The following WDR17 variants were observed in gnomAD, a reference collection of about 807,000 sequenced individuals.
WDR17 encodes the protein WD repeat domain 17.
WDR17 carries 143 observed loss-of-function variants against 161.7 expected under a neutral mutation model. The observed-to-expected ratio is 0.88, with a 90% confidence interval of 0.77 to 1.02. The LOEUF (loss-of-function observed/expected upper bound fraction) is 1.02. Ranked by LOEUF, WDR17 falls within the 50% of genes least tolerant of loss-of-function variation. WDR17 has a pLI of 0.00. For missense variants in WDR17, 1,469 were observed against 1,520.9 expected (o/e 0.97, Z 0.57); for synonymous variants, 517 against 515.6 (o/e 1.00, Z -0.04).
At chr4:176,099,215 A>T (rs1018013781) in intron 1 of WDR17, among the ~76,000 whole-genome samples, 84 of 152,280 alleles carry the variant, frequency 5.5e-4, no homozygotes, top group African/African-American at 1.9e-3. Flanking sequence ...TCCACCTGAG[A>T]AGTAAGGGCA....
chr4:176,087,919 C>T (rs983224906), intron 1 of WDR17, among the ~76,000 whole-genome samples: 2 of 152,048 alleles, frequency 1.3e-5, no homozygotes, highest in African/African-American at 2.4e-5. Context: ...TCTCGGCTCA[C>T]TGCAACCTTT....
chr4:176,098,937 A>G (rs990832340), intron 1 of WDR17, among the ~76,000 whole-genome samples: 1 of 152,102 alleles, frequency 6.6e-6, no homozygotes, highest in Non-Finnish European at 1.5e-5. Flanking sequence ...TGTAAAAGCT[A>G]TTTAAGAACA....
intron 1 of WDR17, among the ~76,000 whole-genome samples, chr4:176,071,529 G>T (rs933643901): frequency 3.9e-5 from 6 of 152,024 alleles, no homozygotes; most frequent in African/African-American, 9.7e-5. Context: ...CACCATGTTG[G>T]TCAGGCTGGT....
chr4:176,079,128 T>G (rs1410694506), intron 1 of WDR17, among the ~76,000 whole-genome samples: 2 of 152,182 alleles, frequency 1.3e-5, no homozygotes, highest in African/African-American at 4.8e-5. Flanking sequence ...CATACAGTAT[T>G]TACCTTTCTG....
intron 3 of WDR17, 112 bp downstream of exon 3, chr4:176,116,091 T>A: frequency 9.4e-7 from 1 of 1,061,612 alleles, no homozygotes; most frequent in Non-Finnish European, 1.3e-6. Flanking sequence ...TTCTTAATGG[T>A]AATCTGTATA....
rs1740519166 is a variant in WDR17 at position 176,115,790 on chromosome 4, T to C, written c.124-6T>C. ...TAAAATATTTTATTTATATATTTTG[T>C]TTTAGTTGGATCACCGTTATAATGA... On this transcript the variant is annotated splice_region_variant and splice_polypyrimidine_tract_variant and intron_variant, in intron 2 of 28. Coordinates refer to ENST00000508596, the MANE Select transcript of WDR17 (RefSeq NM_181265.4). 1 of 1,581,094 alleles carries C rather than the reference T, an allele frequency of 6.3e-7. No individual in the cohort carries two copies. Among genetic ancestry groups the C allele is most frequent in the Non-Finnish European group, 8.6e-7 (1 of 1,164,540 alleles).
At position 176,181,777 on chromosome 4, in the gene WDR17, T is replaced by C. The variant is rs1752186464; in HGVS notation, c.*2198T>C. 1 of 152,302 alleles carries C rather than the reference T, an allele frequency of 6.6e-6. No individual in the cohort carries two copies. The highest frequency in any genetic ancestry group is 2.4e-5 in the African/African-American group (1 of 41,444). 9.4% of individuals were successfully genotyped at this position (152,302 alleles called of 1,614,324 possible). On this transcript the variant is annotated 3_prime_UTR_variant, in exon 29 of 29. Transcript: ENST00000508596. ...TAAGTATATAAACAATCATTACTTCTGTATTTTTAATGAATGCAGGAAAAT... is the reference window on the plus strand; with the variant it reads ...TAAGTATATAAACAATCATTACTTCCGTATTTTTAATGAATGCAGGAAAAT...
intron 1 of WDR17, among the ~76,000 whole-genome samples, chr4:176,078,664 A>G (rs1002183620): frequency 1.3e-5 from 2 of 152,222 alleles, no homozygotes; most frequent in East Asian, 1.9e-4. Context: ...ATAATTTTCA[A>G]TTAAAATTAT....
chr4:176,140,514 G>A (rs1208927667), intron 10 of WDR17, among the ~76,000 whole-genome samples: 1 of 152,086 alleles, frequency 6.6e-6, no homozygotes, highest in South Asian at 2.1e-4. Flanking sequence ...ATTCTGTTAA[G>A]TTCCAGAAAT....
rs1439861684 is a variant in WDR17, at chr4:176,149,842, G to T, written c.1933G>T (p.Ala645Ser). Residue 645 changes from alanine to serine, a missense_variant, in exon 14 of 29, where the codon GCC becomes TCC. Coordinates refer to ENST00000508596, the MANE Select transcript of WDR17 (RefSeq NM_181265.4). Reference sequence around the variant, plus strand: ...CCATCCCAGTCGCCCCTTCACTATGGCCTCTTGCTCCCGTGACTCTACAGT... The same window carrying T: ...CCATCCCAGTCGCCCCTTCACTATGTCCTCTTGCTCCCGTGACTCTACAGT... The part of the protein sequence containing the change: ...TCHPSRPFTM[A>S]SCSRDSTVRL... 1 of 1,613,758 alleles carries T rather than the reference G, an allele frequency of 6.2e-7. No individual in the cohort carries two copies.
chr4:176,177,282 T>C (rs1751582215), intron 27 of WDR17, 126 bp downstream of exon 27: 3 of 1,004,674 alleles, frequency 3.0e-6, no homozygotes, highest in South Asian at 3.1e-5. Flanking sequence ...TTGGCATATA[T>C]GCAGTAATAA....
intron 18 of WDR17, among the ~76,000 whole-genome samples, chr4:176,157,563 G>A (rs1333453598): frequency 2.0e-5 from 3 of 148,664 alleles, no homozygotes; most frequent in Non-Finnish European, 4.5e-5. Flanking sequence ...GAATGTTATT[G>A]CTCTCACCGA....
chr4:176,169,793 G>A (rs961187195), intron 23 of WDR17, among the ~76,000 whole-genome samples: 2 of 152,220 alleles, frequency 1.3e-5, no homozygotes, highest in African/African-American at 4.8e-5. Context: ...TTGAGACGCG[G>A]AAAATACTTG....
Position 176,111,631 on chromosome 4 carries a change from G to A in WDR17, c.51G>A (p.Trp17Ter), listed in dbSNP as rs750163844. ...TGCTGGCTGCTGGATGTCAGCCATGGAACAAGGATGTATGTGCTGCCAGTG... is the reference window on the plus strand; with the variant it reads ...TGCTGGCTGCTGGATGTCAGCCATGAAACAAGGATGTATGTGCTGCCAGTG... ...VGLLAAGCQP[W>*]NKDVCAASGD... Residue 17 changes from tryptophan (W) to a stop codon, truncating the protein, a stop_gained, in exon 2 of 29, where the codon TGG (tryptophan) becomes TGA (stop). Transcript: ENST00000508596. LOFTEE classifies it high-confidence loss of function. The A allele has an allele frequency of 1.2e-6, 2 of 1,611,398 alleles. No homozygotes were observed. Among genetic ancestry groups the A allele is most frequent in the South Asian group, 1.1e-5 (1 of 90,722 alleles).
intron 9 of WDR17, among the ~76,000 whole-genome samples, chr4:176,139,268 G>C (rs536475770): frequency 1.4e-3 from 211 of 151,956 alleles, no homozygotes; most frequent in African/African-American, 4.6e-3. Flanking sequence ...CACCGTTGAT[G>C]AATGACATTC....
At position 176,125,373 on chromosome 4, in the gene WDR17, A is replaced by C; in HGVS notation, c.790+18A>C. ...AACTGGAGGTAAGCTAATCCCCATA[A>C]CCCAGAGTTTTAAATACGTGTATAT... On this transcript the variant is annotated intron_variant, in intron 5 of 28. Coordinates refer to ENST00000508596, the MANE Select transcript of WDR17 (RefSeq NM_181265.4). 6.2e-7 allele frequency: 1 copy of C among 1,609,976 alleles called. No homozygotes were observed. Among genetic ancestry groups the C allele is most frequent in the East Asian group, 2.2e-5 (1 of 44,776 alleles).
At chr4:176,071,986 T>C (rs1239234308) in intron 1 of WDR17, among the ~76,000 whole-genome samples, 2 of 152,228 alleles carry the variant, frequency 1.3e-5, no homozygotes, top group African/African-American at 4.8e-5. Flanking sequence ...CATACTGGTA[T>C]AAGTGGTCAT....
intron 1 of WDR17, among the ~76,000 whole-genome samples, chr4:176,069,140 C>G (rs2126537674): frequency 6.6e-6 from 1 of 151,676 alleles, no homozygotes; most frequent in South Asian, 2.1e-4. Flanking sequence ...AGTGACTAGT[C>G]AAACATTTCA....
At position 176,149,839 on chromosome 4, in the gene WDR17, A is replaced by T. The variant is rs199732832; in HGVS notation, c.1930A>T (p.Met644Leu). Residue 644 changes from methionine (M) to leucine (L), a missense_variant, in exon 14 of 29, where the codon ATG becomes TTG. Physicochemically the swap from Met to Leu is conservative, Grantham distance 15. Coordinates refer to ENST00000508596, the MANE Select transcript of WDR17 (RefSeq NM_181265.4). ...LTCHPSRPFT[M>L]ASCSRDSTVR... Reference sequence around the variant, plus strand: ...CTGCCATCCCAGTCGCCCCTTCACTATGGCCTCTTGCTCCCGTGACTCTAC... The same window carrying T: ...CTGCCATCCCAGTCGCCCCTTCACTTTGGCCTCTTGCTCCCGTGACTCTAC... 4 of 1,614,006 alleles carry T rather than the reference A, an allele frequency of 2.5e-6. No homozygotes were observed. The highest frequency in any genetic ancestry group is 1.6e-4 in the Middle Eastern group (1 of 6,062).
Sources: gnomAD v4.1 joint callset for allele counts (sites outside exome capture counted in the v4.1 genomes callset) on GRCh38, gnomAD v4.1.1 for gene constraint, MANE v1.5 for transcripts, NCBI Gene and HGNC (gene_info 2026-07-23, HGNC 2026-07-21) for gene names.